The following HOMER1 variants were observed in gnomAD, a reference collection of about 807,000 sequenced individuals.
The protein encoded by HOMER1 is homer scaffold protein 1.
HOMER1 carries 3 observed loss-of-function variants against 48.9 expected under a neutral mutation model. That is an observed-to-expected ratio of 0.06 (90% CI 0.03 to 0.16). HOMER1 has a LOEUF of 0.16. HOMER1 is among the 10% of genes least tolerant of loss of function. The probability of loss-of-function intolerance (pLI) is 1.00; values close to 1 mark genes in which losing one functional copy is unlikely to be tolerated. For synonymous variants in HOMER1, 134 were observed against 146.4 expected (o/e 0.92, Z 0.61); for missense variants, 247 against 411.4 (o/e 0.60, Z 3.46).
chr5:79,439,283 C>T, intron 4 of HOMER1, 134 bp from the exon 5 acceptor site: 11 of 776,588 alleles, frequency 1.4e-5, no homozygotes, highest in Non-Finnish European at 2.1e-5. Flanking sequence ...GAGTCAAAGA[C>T]TTAAAAACAT....
intron 1 of HOMER1, among the ~76,000 whole-genome samples, chr5:79,486,407 G>A (rs1297693109): frequency 6.6e-6 from 1 of 152,192 alleles, no homozygotes; most frequent in Non-Finnish European, 1.5e-5. Context: ...AAAGTACAGT[G>A]TAGCTGAACA....
At chr5:79,511,319 C>T (rs1752936045) in intron 1 of HOMER1, among the ~76,000 whole-genome samples, 1 of 152,166 alleles carries the variant, frequency 6.6e-6, no homozygotes, top group South Asian at 2.1e-4. Context: ...TATTTTTCAG[C>T]GTTAAGCGCT....
At chr5:79,489,271 G>A (rs769325863) in intron 1 of HOMER1, among the ~76,000 whole-genome samples, 8 of 152,108 alleles carry the variant, frequency 5.3e-5, no homozygotes, top group African/African-American at 1.2e-4. Flanking sequence ...GTTTGACACC[G>A]TACCAATGGA....
In HOMER1 at chr5:79,504,189, C is replaced by T. The variant is rs543365534; in HGVS notation, c.5+8581G>A. ...TAAATCAACAGAATCTCAAGAAAGA[C>T]GAGTTTAAGAGTGACTTGGGAGTAG... On this transcript the variant is annotated intron_variant, in intron 1 of 8. Transcript: ENST00000334082. 2.8e-4 allele frequency among the ~76,000 whole-genome samples: 42 copies of T among 151,426 alleles called. 1 individual carries two copies. In the South Asian group the frequency reaches 7.5e-3, roughly 27 times the overall value.
At position 79,512,777 on chromosome 5, in the gene HOMER1, T is replaced by G; in HGVS notation, c.-3A>C. ...AAGCACAAAAATCCTTACCCCATTT[T>G]GCCCAATGAAAACTTGCTCTGAAGT... is the stretch of plus-strand genomic sequence containing the variant. On this transcript the variant is annotated 5_prime_UTR_variant, in exon 1 of 9. Transcript: ENST00000334082. 6.2e-7 allele frequency: 1 copy of G among 1,613,832 alleles called. No homozygotes were observed. The highest frequency in any genetic ancestry group is 8.5e-7 in the Non-Finnish European group (1 of 1,179,794).
chr5:79,386,400 G>C (rs1431714462), intron 8 of HOMER1, among the ~76,000 whole-genome samples: 1 of 152,152 alleles, frequency 6.6e-6, no homozygotes, highest in Admixed American at 6.5e-5. Context: ...CTGATATGTG[G>C]GACCTGAAGT....
At position 79,417,364 on chromosome 5, in the gene HOMER1, A is replaced by C. The variant is rs541117362; in HGVS notation, c.528-15309T>G. ...TCACCGTGTTAGCCAGGATGGTCTC[A>C]ATCTCCTGACCTCGTGATCCGCCCG... is the stretch of plus-strand genomic sequence containing the variant. On this transcript the variant is annotated intron_variant, in intron 5 of 8. Transcript: ENST00000334082. 3.9e-5 allele frequency among the ~76,000 whole-genome samples: 6 copies of C among 152,166 alleles called. No homozygotes were observed. The East Asian group carries it at 5.8e-4, about 15-fold the overall frequency.
chr5:79,479,602 G>T (rs1170332554), intron 1 of HOMER1, among the ~76,000 whole-genome samples: 1 of 152,092 alleles, frequency 6.6e-6, no homozygotes, highest in Non-Finnish European at 1.5e-5. Flanking sequence ...AAGGAGTGTG[G>T]GCTTCTCACA....
At chr5:79,482,130 G>A (rs1751966788) in intron 1 of HOMER1, among the ~76,000 whole-genome samples, 1 of 152,000 alleles carries the variant, frequency 6.6e-6, no homozygotes, top group African/African-American at 2.4e-5. Flanking sequence ...TGAGGTGGGA[G>A]GACCACTTGA....
At chr5:79,384,868 C>T (rs1164069197) in intron 8 of HOMER1, among the ~76,000 whole-genome samples, 3 of 151,938 alleles carry the variant, frequency 2.0e-5, no homozygotes, top group South Asian at 4.2e-4. Context: ...AATGATACAT[C>T]CCATCAACAG....
intron 1 of HOMER1, among the ~76,000 whole-genome samples, chr5:79,468,435 A>G (rs1751534912): frequency 6.6e-6 from 1 of 152,240 alleles, no homozygotes; most frequent in Admixed American, 6.5e-5. Context: ...TATCTCCATG[A>G]CTTTTACATT....
intron 8 of HOMER1, among the ~76,000 whole-genome samples, chr5:79,379,371 TA>T (rs1299371738): frequency 2.6e-5 from 3 of 113,228 alleles, no homozygotes; most frequent in African/African-American, 1.1e-4. Flanking sequence ...TATTTATATA[TA>T]TTTATATATT....
chr5:79,460,448 A>G (rs1253557029), intron 1 of HOMER1, among the ~76,000 whole-genome samples: 1 of 152,206 alleles, frequency 6.6e-6, no homozygotes, highest in Non-Finnish European at 1.5e-5. Flanking sequence ...AAAATTTGGC[A>G]GCAATAAAAA....
chr5:79,428,088 T>C lies in HOMER1; in HGVS notation c.527+10922A>G, dbSNP rs1382630132. The stretch of plus-strand genomic sequence containing the variant: ...TATTTTAGTAAGAATTCTTCCTCTT[T>C]AGTCCAGTTCATTTTTCCTTTAAAA... On this transcript the variant is annotated intron_variant, in intron 5 of 8. Coordinates refer to ENST00000334082, the MANE Select transcript of HOMER1 (RefSeq NM_004272.5). 2.0e-5 allele frequency among the ~76,000 whole-genome samples: 3 copies of C among 152,324 alleles called. No individual in the cohort carries two copies. The South Asian group carries it at 6.2e-4, about 32-fold the overall frequency.
intron 8 of HOMER1, among the ~76,000 whole-genome samples, chr5:79,383,025 A>G (rs761882540): frequency 6.6e-6 from 1 of 152,218 alleles, no homozygotes; most frequent in Non-Finnish European, 1.5e-5. Flanking sequence ...ATCAAAAGTA[A>G]ATGTATGGAA....
At chr5:79,486,055 T>G (rs1196214866) in intron 1 of HOMER1, among the ~76,000 whole-genome samples, 1 of 152,198 alleles carries the variant, frequency 6.6e-6, no homozygotes, top group Non-Finnish European at 1.5e-5. Flanking sequence ...CCAGCCACCA[T>G]GCTGTAAGGA....
intron 3 of HOMER1, among the ~76,000 whole-genome samples, chr5:79,448,730 C>A (rs979099630): frequency 6.6e-6 from 1 of 152,054 alleles, no homozygotes; most frequent in African/African-American, 2.4e-5. Flanking sequence ...CTACAGTCTG[C>A]AAAACACCAA....
chr5:79,407,766 T>A (rs1023572733), intron 5 of HOMER1, among the ~76,000 whole-genome samples: 5 of 152,100 alleles, frequency 3.3e-5, no homozygotes, highest in Admixed American at 2.0e-4. Flanking sequence ...TCTGAAGACA[T>A]AAAGGCTGAG....
intron 8 of HOMER1, among the ~76,000 whole-genome samples, chr5:79,381,511 C>A (rs573387265): frequency 6.6e-6 from 1 of 152,138 alleles, no homozygotes. Context: ...CCAATCAAAA[C>A]GAAATTCATA....
Sources: allele counts gnomAD v4.1 joint callset (sites outside exome capture counted in the v4.1 genomes callset), GRCh38; gene constraint gnomAD v4.1.1; transcripts MANE v1.5; gene names NCBI Gene and HGNC (gene_info 2026-07-23, HGNC 2026-07-21).